SLIT3: variants seen among roughly 807,000 people sequenced by gnomAD.
SLIT3 encodes slit homolog 3 protein.
SLIT3 carries 68 observed loss-of-function variants against 184.0 expected under a neutral mutation model. The ratio of observed to expected loss-of-function variants is 0.37; its 90% CI spans 0.30 to 0.45. The LOEUF (loss-of-function observed/expected upper bound fraction) is 0.45, where lower values mean the gene tolerates loss of function less well. Ranked by LOEUF, SLIT3 falls within the 20% of genes least tolerant of loss-of-function variation. SLIT3 has a pLI of 1.00. For synonymous variants in SLIT3, 831 were observed against 828.6 expected, an observed-to-expected ratio of 1.00 and a Z score of -0.05; for missense variants, 1,707 against 2,026.0, an observed-to-expected ratio of 0.84 and a Z score of 3.02.
At chr5:169,080,042 C>T (rs12189536) in intron 4 of SLIT3, among the ~76,000 whole-genome samples, 1 of 151,490 alleles carries the variant, frequency 6.6e-6, no homozygotes, top group Non-Finnish European at 1.5e-5. Flanking sequence ...CGGGGGTTTG[C>T]ATAGGGGAGA....
At chr5:169,014,096 A>AAGGC (rs60057409) in intron 4 of SLIT3, among the ~76,000 whole-genome samples, 13,598 of 150,280 alleles carry the variant, frequency 0.09, 801 homozygotes, top group African/African-American at 0.17. Context: ...TGTGGGAAGG[A>AAGGC]AGGCAGGCAG....
intron 4 of SLIT3, among the ~76,000 whole-genome samples, chr5:168,884,204 A>G (rs993985603): frequency 2.0e-5 from 3 of 151,520 alleles, no homozygotes; most frequent in African/African-American, 7.3e-5. Context: ...CTCAACGAGT[A>G]ATCAATCTGT....
At chr5:168,825,293 C>T (rs1050583858) in intron 6 of SLIT3, among the ~76,000 whole-genome samples, 9 of 152,122 alleles carry the variant, frequency 5.9e-5, no homozygotes, top group Non-Finnish European at 1.3e-4. Context: ...TCCATCCTAC[C>T]CAAGGGGACC....
chr5:168,914,467 G>A (rs1761369562), intron 4 of SLIT3, among the ~76,000 whole-genome samples: 1 of 152,192 alleles, frequency 6.6e-6, no homozygotes, highest in African/African-American at 2.4e-5. Context: ...CAGAGCATAT[G>A]CTAAATGGGC....
chr5:169,092,527 G>T (rs1759631242), intron 4 of SLIT3, among the ~76,000 whole-genome samples: 1 of 152,174 alleles, frequency 6.6e-6, no homozygotes, highest in East Asian at 1.9e-4. Context: ...CAGGTCCTCA[G>T]TTTCCCTGTT....
rs56721949 is a variant in SLIT3 at position 169,207,370 on chromosome 5, TACACACACACACACACACAC to T, written c.342-13840_342-13821del. ...TTTCTCTGTTTTACATACACATACA[TACACACACACACACACACAC>T]ACACACACACACACACACACACACA... On this transcript the variant is annotated intron_variant, in intron 3 of 35. Transcript: ENST00000519560. Among the ~76,000 whole-genome samples the T allele has an allele frequency of 1.4e-3, 186 of 131,932 alleles. 3 individuals are homozygous for T. The East Asian group carries it at 0.036, about 25-fold the overall frequency. The allele number at this position is 131,932 out of a possible 152,430, so 86.6% of individuals were successfully genotyped here.
intron 4 of SLIT3, among the ~76,000 whole-genome samples, chr5:168,968,952 A>C (rs976111025): frequency 2.0e-5 from 3 of 152,202 alleles, no homozygotes; most frequent in Non-Finnish European, 2.9e-5. Context: ...ACCCAGGTGG[A>C]GTCTACGAAT....
At chr5:169,148,098 A>G (rs912788270) in intron 4 of SLIT3, among the ~76,000 whole-genome samples, 1 of 152,098 alleles carries the variant, frequency 6.6e-6, no homozygotes, top group South Asian at 2.1e-4. Flanking sequence ...CCAGGTTCCA[A>G]TCTCAGGTCC....
At chr5:169,198,140 C>T (rs1238428150) in intron 3 of SLIT3, among the ~76,000 whole-genome samples, 1 of 152,168 alleles carries the variant, frequency 6.6e-6, no homozygotes, top group East Asian at 1.9e-4. Context: ...TCCAGTTTTT[C>T]AATATGAACA....
At chr5:168,717,746 C>T (rs575999652) in intron 23 of SLIT3, among the ~76,000 whole-genome samples, 38 of 151,904 alleles carry the variant, frequency 2.5e-4, no homozygotes, top group African/African-American at 8.4e-4. Context: ...CTGCAAGTTC[C>T]GCCTCCCAGG....
rs190272840 is a variant in SLIT3, at chr5:169,253,428, C to T, written c.198-1969G>A. Among the ~76,000 whole-genome samples the T allele has an allele frequency of 3.8e-3, 573 of 152,238 alleles. 2 individuals are homozygous for T. Among genetic ancestry groups the T allele is most frequent in the Non-Finnish European group, 6.2e-3 (425 of 68,004 alleles). On this transcript the variant is annotated intron_variant, in intron 1 of 35. Transcript: ENST00000519560. Reference sequence around the variant, plus strand: ...CAGAAGGTGTGCTGTGGGACTGTCCCCGGCACAGAGTTAGTGTTTGGGAGC... The same window carrying T: ...CAGAAGGTGTGCTGTGGGACTGTCCTCGGCACAGAGTTAGTGTTTGGGAGC...
rs139910177 is a variant in SLIT3 at position 169,088,216 on chromosome 5, C to T, written c.413+105263G>A. On this transcript the variant is annotated intron_variant, in intron 4 of 35. Transcript: ENST00000519560. ...TATCTCCTGCAGTGTGTCGGCTGGC[C>T]GTATGGCTTGTGTTCATAAATAAGC... Among the ~76,000 whole-genome samples, 1,035 of 152,224 alleles carry T rather than the reference C, an allele frequency of 6.8e-3. 6 individuals carry two copies. The highest frequency in any genetic ancestry group is 0.011 in the Non-Finnish European group (724 of 68,008).
chr5:168,779,949 C>T (rs1022401876), intron 12 of SLIT3, among the ~76,000 whole-genome samples: 1 of 152,224 alleles, frequency 6.6e-6, no homozygotes, highest in African/African-American at 2.4e-5. Flanking sequence ...GATCGCTGAG[C>T]CCCACTGTTA....
At chr5:169,231,836 T>C (rs1334714072) in intron 3 of SLIT3, among the ~76,000 whole-genome samples, 1 of 152,206 alleles carries the variant, frequency 6.6e-6, no homozygotes, top group Admixed American at 6.5e-5. Context: ...CACTTGATAT[T>C]GTAAGTTTTA....
intron 4 of SLIT3, among the ~76,000 whole-genome samples, chr5:169,109,686 TC>T (rs1387750059): frequency 6.6e-5 from 10 of 152,152 alleles, no homozygotes; most frequent in Admixed American, 6.5e-4. Flanking sequence ...CACTACCATC[TC>T]CCTATTTCAC....
At chr5:168,708,892 T>A (rs559482696) in intron 25 of SLIT3, among the ~76,000 whole-genome samples, 1 of 152,096 alleles carries the variant, frequency 6.6e-6, no homozygotes, top group African/African-American at 2.4e-5. Flanking sequence ...TGTTTGTGGA[T>A]GAGTAAAAAG....
At chr5:168,926,243 G>A (rs184292010) in intron 4 of SLIT3, among the ~76,000 whole-genome samples, 171 of 152,236 alleles carry the variant, frequency 1.1e-3, no homozygotes, top group Non-Finnish European at 2.1e-3. Context: ...GCGGTGACTT[G>A]GAATTCAGGA....
chr5:169,006,270 T>C (rs1007876749), intron 4 of SLIT3, among the ~76,000 whole-genome samples: 2 of 152,262 alleles, frequency 1.3e-5, no homozygotes, highest in African/African-American at 4.8e-5. Flanking sequence ...TCATCTATTT[T>C]ATTTATAGGA....
intron 26 of SLIT3, among the ~76,000 whole-genome samples, chr5:168,703,495 C>T (rs541710595): frequency 2.6e-4 from 40 of 152,066 alleles, no homozygotes; most frequent in Non-Finnish European, 4.6e-4. Flanking sequence ...ACTGTGCATG[C>T]GAGGGATCTA....
Sources: allele counts gnomAD v4.1 joint callset (sites outside exome capture counted in the v4.1 genomes callset), GRCh38; gene constraint gnomAD v4.1.1; transcripts MANE v1.5; gene names NCBI Gene and HGNC (gene_info 2026-07-23, HGNC 2026-07-21).